The following MAPDA variants were observed in gnomAD, a reference collection of about 807,000 sequenced individuals.
The protein encoded by MAPDA is N6-Methyl-AMP deaminase, also known as N6,N6-dimethyl-AMP deaminase.
the MAPDA span, chr15:43,348,920 A>AAAAAGAAAC: frequency 1.9e-6 from 3 of 1,613,900 alleles, no homozygotes; most frequent in South Asian, 3.3e-5. Context: ...CCAAACCAAA[A>AAAAAGAAAC]AAAAGAAACA....
the MAPDA span, among the ~76,000 whole-genome samples, chr15:43,346,211 ATGAC>A: frequency 6.6e-6 from 1 of 152,322 alleles, no homozygotes; most frequent in South Asian, 2.1e-4. Context: ...GCCTGACTAT[ATGAC>A]TATTTTCTCC....
chr15:43,343,792 A>G, the MAPDA span, among the ~76,000 whole-genome samples: 1,538 of 152,038 alleles, frequency 0.01, 29 homozygotes, highest in African/African-American at 0.035. Context: ...GTATGGGCTC[A>G]GTAAAGCCCT....
the MAPDA span, among the ~76,000 whole-genome samples, chr15:43,348,287 G>GT: frequency 1.3e-5 from 2 of 152,130 alleles, no homozygotes; most frequent in African/African-American, 4.8e-5. Context: ...GTCAGATTGA[G>GT]TTAGGTTTCA....
chr15:43,330,860 G>A, the MAPDA span: 300 of 177,658 alleles, frequency 1.7e-3, 1 homozygote, highest in South Asian at 6.6e-3. Flanking sequence ...TCTCTAAGAG[G>A]TGAGTCTGTG....
the MAPDA span, chr15:43,340,164 A>T: frequency 4.8e-6 from 5 of 1,039,198 alleles, no homozygotes; most frequent in Admixed American, 1.0e-4. Flanking sequence ...ATTACTTGCA[A>T]ATCAGATTTA....
the MAPDA span, chr15:43,335,634 A>C: frequency 2.7e-6 from 4 of 1,507,350 alleles, no homozygotes; most frequent in East Asian, 4.6e-5. Flanking sequence ...AACATTAAGT[A>C]CTTGGTAAGA....
At chr15:43,330,426 G>C in the MAPDA span, 1 of 1,561,252 alleles carries the variant, frequency 6.4e-7, no homozygotes, top group Non-Finnish European at 8.6e-7. Flanking sequence ...CGCTTGCTGA[G>C]GGCGCTGCTG....
the MAPDA span, chr15:43,353,956 G>GGAAC: frequency 6.6e-5 from 10 of 152,222 alleles, no homozygotes; most frequent in Non-Finnish European, 1.2e-4. Context: ...AGGGGTCATG[G>GGAAC]GAACCCTGAT....
the MAPDA span, among the ~76,000 whole-genome samples, chr15:43,336,243 C>A: frequency 6.6e-6 from 1 of 152,120 alleles, no homozygotes; most frequent in East Asian, 1.9e-4. Flanking sequence ...GGGGGTCTCC[C>A]TATGTTGCCC....
the MAPDA span, chr15:43,336,600 G>A: frequency 1.3e-6 from 2 of 1,549,214 alleles, no homozygotes; most frequent in South Asian, 2.5e-5. Context: ...ACTAGATTAT[G>A]TTAAAACTTT....
At chr15:43,344,099 A>G in the MAPDA span, among the ~76,000 whole-genome samples, 3 of 152,068 alleles carry the variant, frequency 2.0e-5, no homozygotes, top group African/African-American at 4.8e-5. Flanking sequence ...ACTGGTACAC[A>G]GGTAAGGGGG....
the MAPDA span, chr15:43,352,973 TCTCA>T: frequency 4.0e-5 from 6 of 150,958 alleles, no homozygotes; most frequent in South Asian, 8.4e-4. Context: ...CAACAAAGGC[TCTCA>T]CTCTGTTCCC....
chr15:43,335,242 A>G, the MAPDA span: 1 of 1,555,104 alleles, frequency 6.4e-7, no homozygotes, highest in Non-Finnish European at 8.8e-7. Context: ...CTTTTCATCA[A>G]AGTAAATTTT....
the MAPDA span, among the ~76,000 whole-genome samples, chr15:43,333,925 A>G: frequency 6.6e-6 from 1 of 152,244 alleles, no homozygotes; most frequent in Admixed American, 6.5e-5. Context: ...TCAGAAGTGA[A>G]GGGAAATTAT....
chr15:43,336,558 T>G, the MAPDA span: 4 of 1,269,460 alleles, frequency 3.2e-6, 1 homozygote, highest in Non-Finnish European at 2.2e-6. Flanking sequence ...AGCCTAAAAT[T>G]TAATTCATTC....
the MAPDA span, among the ~76,000 whole-genome samples, chr15:43,348,103 A>G: frequency 6.6e-6 from 1 of 152,212 alleles, no homozygotes; most frequent in Admixed American, 6.5e-5. Context: ...CATCCAGTCC[A>G]TTGGATATAA....
At chr15:43,336,617 A>G in the MAPDA span, 4 of 1,562,318 alleles carry the variant, frequency 2.6e-6, no homozygotes, top group East Asian at 4.8e-5. Context: ...CTTTTCATTC[A>G]TGTTGCAGAT....
the MAPDA span, chr15:43,340,248 G>A: frequency 1.4e-5 from 22 of 1,609,934 alleles, no homozygotes; most frequent in South Asian, 5.5e-5. Context: ...TATTGTGTAC[G>A]TTATCTTTAT....
the MAPDA span, among the ~76,000 whole-genome samples, chr15:43,336,106 A>G: frequency 2.0e-5 from 3 of 152,294 alleles, no homozygotes; most frequent in East Asian, 5.8e-4. Context: ...CAGTGGCGTG[A>G]CCACAGATCA....
Sources: gnomAD v4.1 joint callset for allele counts (sites outside exome capture counted in the v4.1 genomes callset) on GRCh38, gnomAD v4.1.1 for gene constraint, MANE v1.5 for transcripts, NCBI Gene and HGNC (gene_info 2026-07-23, HGNC 2026-07-21) for gene names.